Variants in DCLK1 observed in about 807,000 individuals in gnomAD.
DCLK1 encodes doublecortin like kinase 1.
DCLK1 carries 16 observed loss-of-function variants against 86.2 expected under a neutral mutation model. The ratio of observed to expected loss-of-function variants is 0.19; its 90% confidence interval spans 0.13 to 0.28. The LOEUF is 0.28. Among genes scored for constraint, DCLK1 ranks in the 10% least tolerant of loss-of-function variants. The probability of loss-of-function intolerance (pLI) is 1.00; values close to 1 mark genes in which losing one functional copy is unlikely to be tolerated. For synonymous variants in DCLK1, 369 were observed against 370.5 expected (o/e 1.00, Z 0.05); for missense variants, 590 against 940.2 (o/e 0.63, Z 4.87).
intron 6 of DCLK1, chr13:35,847,444 A>C: frequency 1.0e-6 from 1 of 985,126 alleles, no homozygotes; most frequent in African/African-American, 1.7e-5. Flanking sequence ...ACCCACATAC[A>C]CACCAAGCCT....
intron 3 of DCLK1, among the ~76,000 whole-genome samples, chr13:35,983,577 C>A (rs562939671): frequency 1.3e-5 from 2 of 152,192 alleles, no homozygotes; most frequent in East Asian, 3.9e-4. Context: ...TCAATAATAA[C>A]CTAATTATAC....
intron 3 of DCLK1, among the ~76,000 whole-genome samples, chr13:36,103,958 A>G (rs775608523): frequency 6.6e-6 from 1 of 152,248 alleles, no homozygotes; most frequent in African/African-American, 2.4e-5. Context: ...AGATGTTTCT[A>G]ACAGAATATC....
chr13:35,901,445 G>T lies in DCLK1; in HGVS notation c.824-30105C>A, dbSNP rs1010297579. Among the ~76,000 whole-genome samples, 4 of 125,346 alleles carry T rather than the reference G, an allele frequency of 3.2e-5. No individual in the cohort carries two copies. The East Asian group carries it at 1.1e-3, about 35-fold the overall frequency. The allele number at this position is 125,346 out of a possible 152,430, so 82.2% of individuals were successfully genotyped here. A position where few individuals can be genotyped will look rare whatever the true frequency, so the allele number is the denominator to read the frequency against. The stretch of plus-strand genomic sequence containing the variant: ...ATGGAGGTTGCAGCGAGCTGGGATT[G>T]TGCCACTGCACTCCAGCCTAGGTGA... On this transcript the variant is annotated intron_variant, in intron 4 of 16. Coordinates refer to ENST00000360631, the MANE Select transcript of DCLK1 (RefSeq NM_001330071.2).
chr13:35,850,092 A>T lies in DCLK1; in HGVS notation c.1035+4407T>A, dbSNP rs1206372713. ...CCTAAAGCCTAACTTCAGAGTCTTTATGAGATGTGTCGTTGTCATAATTTT... is the reference window on the plus strand; with the variant it reads ...CCTAAAGCCTAACTTCAGAGTCTTTTTGAGATGTGTCGTTGTCATAATTTT... On this transcript the variant is annotated intron_variant, in intron 6 of 16. Coordinates refer to ENST00000360631, the MANE Select transcript of DCLK1 (RefSeq NM_001330071.2). The T allele has an allele frequency of 3.0e-6, 3 of 984,554 alleles. No individual in the cohort carries two copies. In the East Asian group the frequency reaches 3.4e-4, roughly 112 times the overall value. 61.0% of individuals were successfully genotyped at this position (984,554 alleles called of 1,614,324 possible).
intron 3 of DCLK1, among the ~76,000 whole-genome samples, chr13:36,092,308 A>G (rs1191498452): frequency 6.6e-6 from 1 of 151,958 alleles, no homozygotes; most frequent in African/African-American, 2.4e-5. Flanking sequence ...TACCTTCTAG[A>G]GTTGGTGTGA....
At chr13:35,930,402 A>G (rs977046880) in intron 4 of DCLK1, among the ~76,000 whole-genome samples, 1 of 152,214 alleles carries the variant, frequency 6.6e-6, no homozygotes, top group Non-Finnish European at 1.5e-5. Context: ...AAGGGACAAA[A>G]CAATCTGTTG....
At chr13:35,974,981 A>G (rs930698200) in intron 3 of DCLK1, among the ~76,000 whole-genome samples, 8 of 152,242 alleles carry the variant, frequency 5.3e-5, no homozygotes, top group African/African-American at 1.9e-4. Flanking sequence ...ATCTCATTTC[A>G]GTCAACAGCC....
At chr13:35,951,064 A>C (rs1020226933) in intron 3 of DCLK1, among the ~76,000 whole-genome samples, 1 of 151,934 alleles carries the variant, frequency 6.6e-6, no homozygotes, top group Non-Finnish European at 1.5e-5. Context: ...AATTTTCAAT[A>C]TCTCTCTCCA....
intron 4 of DCLK1, among the ~76,000 whole-genome samples, chr13:35,882,536 T>C (rs1257440499): frequency 6.6e-6 from 1 of 152,208 alleles, no homozygotes; most frequent in African/African-American, 2.4e-5. Flanking sequence ...GGACTCTTTG[T>C]TGCTCTTCGA....
intron 4 of DCLK1, among the ~76,000 whole-genome samples, chr13:35,902,756 A>G (rs1351448488): frequency 6.6e-6 from 1 of 152,160 alleles, no homozygotes; most frequent in Non-Finnish European, 1.5e-5. Context: ...AGACACAGGC[A>G]GGGCCTCCTA....
rs1877557416 is a variant in DCLK1, at chr13:35,949,641, A to G, written c.724-2184T>C. ...TTGCATTTGAGAACATCTGATTGCT[A>G]ACCACATCCTACTCATCGGTGTGTG... On this transcript the variant is annotated intron_variant, in intron 3 of 16. Coordinates refer to ENST00000360631, the MANE Select transcript of DCLK1 (RefSeq NM_001330071.2). 2.6e-5 allele frequency among the ~76,000 whole-genome samples: 4 copies of G among 152,208 alleles called. No individual in the cohort carries two copies. In the South Asian group the frequency reaches 8.3e-4, roughly 32 times the overall value.
intron 3 of DCLK1, among the ~76,000 whole-genome samples, chr13:36,026,035 G>T (rs1177941321): frequency 6.6e-6 from 1 of 152,040 alleles, no homozygotes; most frequent in African/African-American, 2.4e-5. Flanking sequence ...AGGTAAATTT[G>T]CCCAAAGTTA....
intron 3 of DCLK1, among the ~76,000 whole-genome samples, chr13:35,960,563 A>C (rs758927006): frequency 3.6e-4 from 55 of 152,166 alleles, no homozygotes; most frequent in Admixed American, 1.5e-3. Context: ...GGCTCAAGTG[A>C]TCCTCTGCCT....
chr13:36,041,057 T>G (rs1467511781), intron 3 of DCLK1, among the ~76,000 whole-genome samples: 1 of 152,142 alleles, frequency 6.6e-6, no homozygotes, highest in Non-Finnish European at 1.5e-5. Flanking sequence ...TCTGTTCCCT[T>G]TCATTGGAGA....
intron 3 of DCLK1, among the ~76,000 whole-genome samples, chr13:35,987,662 C>T (rs1879996438): frequency 6.6e-6 from 1 of 152,116 alleles, no homozygotes; most frequent in East Asian, 1.9e-4. Flanking sequence ...GCACCACTAC[C>T]TGGTCTTTTC....
At chr13:35,922,207 T>C (rs140211764) in intron 4 of DCLK1, among the ~76,000 whole-genome samples, 1 of 152,168 alleles carries the variant, frequency 6.6e-6, no homozygotes, top group Non-Finnish European at 1.5e-5. Flanking sequence ...ATAAATCAAA[T>C]TTTTTAATGT....
intron 11 of DCLK1, among the ~76,000 whole-genome samples, chr13:35,821,901 G>C (rs1175065930): frequency 1.3e-5 from 2 of 151,822 alleles, no homozygotes; most frequent in Non-Finnish European, 2.9e-5. Flanking sequence ...GAGATGTGGA[G>C]TAAATGAAAA....
chr13:36,008,705 G>C (rs1249851996), intron 3 of DCLK1, among the ~76,000 whole-genome samples: 1 of 150,192 alleles, frequency 6.7e-6, no homozygotes, highest in Admixed American at 6.7e-5. Flanking sequence ...TGTCTTTATA[G>C]CAGCATGATT....
chr13:35,955,826 T>C (rs555371036), intron 3 of DCLK1, among the ~76,000 whole-genome samples: 2 of 152,206 alleles, frequency 1.3e-5, no homozygotes, highest in African/African-American at 4.8e-5. Flanking sequence ...GAGCAGCTAC[T>C]GCTGTCAGTG....
Sources: gnomAD v4.1 joint callset for allele counts (sites outside exome capture counted in the v4.1 genomes callset) on GRCh38, gnomAD v4.1.1 for gene constraint, MANE v1.5 for transcripts, NCBI Gene and HGNC (gene_info 2026-07-23, HGNC 2026-07-21) for gene names.